The following RABGAP1L variants were observed in gnomAD, a reference collection of about 807,000 sequenced individuals.
RABGAP1L encodes the protein RAB GTPase activating protein 1 like.
RABGAP1L carries 63 observed loss-of-function variants against 137.7 expected under a neutral mutation model. The observed-to-expected ratio is 0.46, with a 90% CI of 0.37 to 0.56. RABGAP1L has a LOEUF of 0.56. RABGAP1L is among the 20% of genes least tolerant of loss of function. The pLI, the probability that RABGAP1L is intolerant of heterozygous loss-of-function variation, is 0.00. For synonymous variants in RABGAP1L, 431 were observed against 433.7 expected (o/e 0.99, Z 0.08); for missense variants, 1,095 against 1,244.0 (o/e 0.88, Z 1.80).
chr1:174,337,583 G>A (rs1196936174), intron 11 of RABGAP1L, among the ~76,000 whole-genome samples: 1 of 152,158 alleles, frequency 6.6e-6, no homozygotes, highest in African/African-American at 2.4e-5. Flanking sequence ...GGAAGATTAA[G>A]CTGGAAGTAA....
chr1:174,284,146 T>C (rs1675837073), intron 10 of RABGAP1L, among the ~76,000 whole-genome samples: 1 of 152,164 alleles, frequency 6.6e-6, no homozygotes, highest in African/African-American at 2.4e-5. Context: ...ACTACTGTCT[T>C]AGCAAATTTC....
At chr1:174,490,004 C>CT (rs1461295119) in intron 13 of RABGAP1L, among the ~76,000 whole-genome samples, 2 of 151,924 alleles carry the variant, frequency 1.3e-5, no homozygotes, top group Non-Finnish European at 2.9e-5. Flanking sequence ...TCTTGAATTT[C>CT]TTTGTGTTTT....
rs1553278342 is a variant in RABGAP1L at position 174,349,044 on chromosome 1, C to CGGCG, written c.1466-21933_1466-21932insCGGG. ...CTCCCGGACAGGGCGGCTGGCCGGGCGGGGGGGGGGCTGACCCCCCCCACC... is the reference window on the plus strand; with the variant it reads ...CTCCCGGACAGGGCGGCTGGCCGGGCGGCGGGGGGGGGGGCTGACCCCCCCCACC... On this transcript the variant is annotated intron_variant, in intron 11 of 25. Coordinates refer to ENST00000681986, the MANE Select transcript of RABGAP1L (RefSeq NM_001366446.1). Among the ~76,000 whole-genome samples, 6 of 102,854 alleles carry CGGCG rather than the reference C, an allele frequency of 5.8e-5. No individual in the cohort carries two copies. In the East Asian group the frequency reaches 2.0e-3, roughly 35 times the overall value. 67.5% of individuals were successfully genotyped at this position (102,854 alleles called of 152,430 possible).
chr1:174,848,830 G>A (rs1242227325), intron 19 of RABGAP1L, among the ~76,000 whole-genome samples: 7 of 151,450 alleles, frequency 4.6e-5, no homozygotes, highest in South Asian at 4.2e-4. Context: ...CCCCAGCTTC[G>A]CTGCCGCCTT....
At chr1:174,247,789 G>A (rs535510522) in intron 5 of RABGAP1L, among the ~76,000 whole-genome samples, 2 of 152,214 alleles carry the variant, frequency 1.3e-5, no homozygotes, top group South Asian at 2.1e-4. Context: ...CAGACATCAC[G>A]TCCTCCAGCC....
At chr1:174,833,386 G>GTGTGTGTATGTGTGTA (rs1692325978) in intron 19 of RABGAP1L, among the ~76,000 whole-genome samples, 1 of 52,354 alleles carries the variant, frequency 1.9e-5, no homozygotes, top group Non-Finnish European at 6.0e-5. Context: ...GTGTGTGTGT[G>GTGTGTGTATGTGTGTA]TGTGTGTGTG....
chr1:174,566,675 G>A (rs540435683), intron 13 of RABGAP1L, among the ~76,000 whole-genome samples: 5 of 152,234 alleles, frequency 3.3e-5, no homozygotes, highest in African/African-American at 9.6e-5. Context: ...GAGTCTTTGC[G>A]AGGCCTTGAA....
chr1:174,294,782 A>G (rs1164059513), intron 10 of RABGAP1L, among the ~76,000 whole-genome samples: 1 of 152,180 alleles, frequency 6.6e-6, no homozygotes, highest in Non-Finnish European at 1.5e-5. Context: ...GTCTGATTTC[A>G]TGTGAGGTTG....
chr1:174,249,891 C>G (rs1293609417), intron 5 of RABGAP1L, among the ~76,000 whole-genome samples: 1 of 152,132 alleles, frequency 6.6e-6, no homozygotes, highest in African/African-American at 2.4e-5. Context: ...ATCTGCCTGC[C>G]TTGGCCTCCC....
chr1:174,228,612 A>G (rs1406767350), intron 3 of RABGAP1L, among the ~76,000 whole-genome samples: 4 of 152,218 alleles, frequency 2.6e-5, no homozygotes, highest in East Asian at 1.9e-4. Flanking sequence ...GGAGAAAAAC[A>G]TGTTTCAGTG....
Position 174,550,857 on chromosome 1 carries a change from AATATATATATATATATATATAT to A in RABGAP1L, c.1711-86500_1711-86479del, listed in dbSNP as rs1216100934. On this transcript the variant is annotated intron_variant, in intron 13 of 25. Coordinates refer to ENST00000681986, the MANE Select transcript of RABGAP1L (RefSeq NM_001366446.1). ...ACACGGTGAAACCCCGTCTCTGCTA[AATATATATATATATATATATAT>A]ATATATATATATATATACACACACA... Among the ~76,000 whole-genome samples the A allele has an allele frequency of 3.2e-4, 20 of 61,836 alleles. 1 individual carries two copies. Among genetic ancestry groups the A allele is most frequent in the Admixed American group, 1.1e-3 (6 of 5,610 alleles). The allele number at this position is 61,836 out of a possible 152,430, so 40.6% of individuals were successfully genotyped here. A position where few individuals can be genotyped will look rare whatever the true frequency, so the allele number is the denominator to read the frequency against.
intron 2 of RABGAP1L, 32 bp from the exon 3 acceptor site, chr1:174,220,940 A>G (rs770807215): frequency 6.6e-7 from 1 of 1,512,636 alleles, no homozygotes; most frequent in Non-Finnish European, 8.9e-7. Flanking sequence ...CTATGGTAGA[A>G]TTGAAACAGA....
At chr1:174,910,830 G>A (rs1162425296) in intron 19 of RABGAP1L, among the ~76,000 whole-genome samples, 1 of 152,134 alleles carries the variant, frequency 6.6e-6, no homozygotes, top group Non-Finnish European at 1.5e-5. Flanking sequence ...GAGTGGAATT[G>A]CTTGCTTAAA....
At chr1:174,606,514 T>C (rs760965925) in intron 13 of RABGAP1L, among the ~76,000 whole-genome samples, 13 of 152,244 alleles carry the variant, frequency 8.5e-5, no homozygotes, top group Non-Finnish European at 1.8e-4. Flanking sequence ...CGTTAATTGG[T>C]TGGTCTTTAT....
intron 18 of RABGAP1L, among the ~76,000 whole-genome samples, chr1:174,810,382 A>C (rs1689751474): frequency 6.6e-6 from 1 of 152,182 alleles, no homozygotes; most frequent in African/African-American, 2.4e-5. Context: ...ATTGAGCTAA[A>C]ATCTAGATTA....
chr1:174,539,414 G>A (rs1443703633), intron 13 of RABGAP1L, among the ~76,000 whole-genome samples: 1 of 151,908 alleles, frequency 6.6e-6, no homozygotes, highest in African/African-American at 2.4e-5. Flanking sequence ...TTTACATTAG[G>A]TATATCTCCT....
chr1:174,526,138 A>G (rs918150473), intron 13 of RABGAP1L, among the ~76,000 whole-genome samples: 3 of 151,824 alleles, frequency 2.0e-5, no homozygotes, highest in Admixed American at 6.6e-5. Flanking sequence ...TTGTTTTTCT[A>G]TTGTCGACTG....
At position 174,176,526 on chromosome 1, in the gene RABGAP1L, A is replaced by G. The variant is rs542380544; in HGVS notation, c.-34+16869A>G. 4.1e-4 allele frequency among the ~76,000 whole-genome samples: 61 copies of G among 150,590 alleles called. 1 individual carries two copies. The highest frequency in any genetic ancestry group is 6.0e-4 in the East Asian group (3 of 5,022). On this transcript the variant is annotated intron_variant, in intron 1 of 25. Coordinates refer to ENST00000681986, the MANE Select transcript of RABGAP1L (RefSeq NM_001366446.1). ...GGAGTTCAAGATTAGCCTGGGCAAC[A>G]TGGTGAAACGCTGTCTCTACCAAAA...
At chr1:174,264,647 A>G (rs966156339) in intron 7 of RABGAP1L, among the ~76,000 whole-genome samples, 13 of 152,070 alleles carry the variant, frequency 8.5e-5, no homozygotes, top group Admixed American at 3.3e-4. Flanking sequence ...GATCTTTCCA[A>G]TTATTGTAGA....
Sources: allele counts gnomAD v4.1 joint callset (sites outside exome capture counted in the v4.1 genomes callset), GRCh38; gene constraint gnomAD v4.1.1; transcripts MANE v1.5; gene names NCBI Gene and HGNC (gene_info 2026-07-23, HGNC 2026-07-21).